RIC8B: variants seen among roughly 807,000 people sequenced by gnomAD.
RIC8B encodes chaperone Ric-8B.
RIC8B carries 16 observed loss-of-function variants against 57.5 expected under a neutral mutation model. That is an observed-to-expected ratio of 0.28 (90% CI 0.19 to 0.42). RIC8B has a LOEUF of 0.42. Ranked by LOEUF, RIC8B falls within the 10% of genes least tolerant of loss-of-function variation. The pLI is 1.00. For synonymous variants in RIC8B, 216 were observed against 250.8 expected (o/e 0.86, Z 1.31); for missense variants, 481 against 677.0 (o/e 0.71, Z 3.21).
rs1951308078 is a variant in RIC8B, at chr12:106,889,195, A to G, written c.*3180A>G. 1 of 152,106 alleles carries G rather than the reference A, an allele frequency of 6.6e-6. No homozygotes were observed. Among genetic ancestry groups the G allele is most frequent in the South Asian group, 2.1e-4 (1 of 4,826 alleles). 9.4% of individuals were successfully genotyped at this position (152,106 alleles called of 1,614,324 possible). ...TGTATTTCCTTCCTGTATTTTTTCTATGCATATATAATTTATTTTACTACA... is the reference window on the plus strand; with the variant it reads ...TGTATTTCCTTCCTGTATTTTTTCTGTGCATATATAATTTATTTTACTACA... On this transcript the variant is annotated 3_prime_UTR_variant, in exon 10 of 10. Transcript: ENST00000392837.
chr12:106,870,648 G>A lies in RIC8B; in HGVS notation c.1452-175G>A, dbSNP rs546760235. ...ATAGCCCATTTCCCAAAGCAAATTA[G>A]TGGAAAAGTCCAGTTTTAAAAATTC... On this transcript the variant is annotated intron_variant, in intron 8 of 9. Transcript: ENST00000392837. Among the ~76,000 whole-genome samples, 8 of 151,040 alleles carry A rather than the reference G, an allele frequency of 5.3e-5. No homozygotes were observed. The East Asian group carries it at 9.7e-4, about 18-fold the overall frequency.
At chr12:106,870,248 T>A (rs1950344226) in intron 8 of RIC8B, among the ~76,000 whole-genome samples, 1 of 152,182 alleles carries the variant, frequency 6.6e-6, no homozygotes, top group Admixed American at 6.5e-5. Context: ...TCCCTTTTTT[T>A]GTCTAGGCCA....
At chr12:106,847,093 T>C (rs1379133347) in intron 6 of RIC8B, among the ~76,000 whole-genome samples, 2 of 152,168 alleles carry the variant, frequency 1.3e-5, no homozygotes, top group Non-Finnish European at 2.9e-5. Context: ...TATTCTGTGT[T>C]TGGGAGGTAG....
At position 106,860,172 on chromosome 12, in the gene RIC8B, T is replaced by G. The variant is rs1949870527; in HGVS notation, c.1307-96T>G. 2.8e-6 allele frequency: 3 copies of G among 1,062,834 alleles called. No individual in the cohort carries two copies. In the East Asian group the frequency reaches 8.1e-5, roughly 29 times the overall value. 65.8% of individuals were successfully genotyped at this position (1,062,834 alleles called of 1,614,324 possible). On this transcript the variant is annotated intron_variant, in intron 7 of 9. Transcript: ENST00000392837. The stretch of plus-strand genomic sequence containing the variant: ...CTCTCAGTTTAAAGGTTTACTGCCA[T>G]AGTGTGTGTCTTCAATCTTCTTGTG...
In RIC8B at chr12:106,879,256, A is replaced by G. The variant is rs896037335; in HGVS notation, c.1572-6648A>G. 4.1e-6 allele frequency: 4 copies of G among 985,504 alleles called. No homozygotes were observed. In the African/African-American group the frequency reaches 5.2e-5, roughly 13 times the overall value. 61.0% of individuals were successfully genotyped at this position (985,504 alleles called of 1,614,324 possible). On this transcript the variant is annotated intron_variant, in intron 9 of 9. Coordinates refer to ENST00000392837, the MANE Select transcript of RIC8B (RefSeq NM_001330145.2). The surrounding 1 kb of genome is among the most constrained non-coding windows in gnomAD (Gnocchi z 4.9). ...TGTTTTGTTTGTATTGCACAAAAAC[A>G]TGTGCTGTGGGCAAGAGTATTCTCT...
Position 106,783,954 on chromosome 12 carries a change from A to G in RIC8B, c.85-43A>G, listed in dbSNP as rs2043882326. 13 of 1,587,140 alleles carry G rather than the reference A, an allele frequency of 8.2e-6. No individual in the cohort carries two copies. The East Asian group carries it at 2.9e-4, about 36-fold the overall frequency. ...TTAAACGTAGCCAAAATTAAAAAAT[A>G]CATGTATTTAAAATGACATTGTTTC... is the stretch of plus-strand genomic sequence containing the variant. On this transcript the variant is annotated intron_variant, in intron 1 of 9. Coordinates refer to ENST00000392837, the MANE Select transcript of RIC8B (RefSeq NM_001330145.2).
intron 2 of RIC8B, among the ~76,000 whole-genome samples, chr12:106,804,300 C>T (rs1050543831): frequency 3.3e-5 from 5 of 151,768 alleles, no homozygotes; most frequent in African/African-American, 4.8e-5. Context: ...CTGCAGTCTC[C>T]GCCTCCTGGG....
intron 2 of RIC8B, among the ~76,000 whole-genome samples, chr12:106,812,648 C>T (rs1469796538): frequency 6.6e-6 from 1 of 151,342 alleles, no homozygotes. Flanking sequence ...GATCTGACTC[C>T]ACCCCCAGGA....
intron 2 of RIC8B, 117 bp downstream of exon 2, chr12:106,784,161 C>T: frequency 9.8e-7 from 1 of 1,024,672 alleles, no homozygotes; most frequent in Middle Eastern, 2.1e-4. Flanking sequence ...TGTTTCCCTT[C>T]ATTTTGTTTT....
chr12:106,846,940 CTG>C (rs1949219079), intron 6 of RIC8B, among the ~76,000 whole-genome samples: 1 of 152,122 alleles, frequency 6.6e-6, no homozygotes, highest in Non-Finnish European at 1.5e-5. Context: ...GCACTGTAGA[CTG>C]TTATGATCAA....
At chr12:106,785,120 A>G (rs1207076795) in intron 2 of RIC8B, among the ~76,000 whole-genome samples, 2 of 152,192 alleles carry the variant, frequency 1.3e-5, no homozygotes, top group East Asian at 3.8e-4. Context: ...GCTTCTTAAC[A>G]TGACATGCTG....
In RIC8B at chr12:106,888,948, TGAG is replaced by T. The variant is rs1386532985; in HGVS notation, c.*2936_*2938del. On this transcript the variant is annotated 3_prime_UTR_variant, in exon 10 of 10. Transcript: ENST00000392837. ...GGTGTTATTATCCCTTCTTTATAAA[TGAG>T]GACACAGAATGAGGCAGTACAAGTG... is the stretch of plus-strand genomic sequence containing the variant. 1 of 152,106 alleles carries T rather than the reference TGAG, an allele frequency of 6.6e-6. No homozygotes were observed. 9.4% of individuals were successfully genotyped at this position (152,106 alleles called of 1,614,324 possible). A position where few individuals can be genotyped will look rare whatever the true frequency, so the allele number is the denominator to read the frequency against.
chr12:106,857,311 G>T (rs1042702269), intron 7 of RIC8B, among the ~76,000 whole-genome samples: 5 of 152,182 alleles, frequency 3.3e-5, no homozygotes, highest in African/African-American at 1.2e-4. Context: ...TTTTCACAGA[G>T]AAGGGGGAAT....
chr12:106,825,759 G>C lies in RIC8B; in HGVS notation c.775G>C (p.Val259Leu). The change falls in exon 4 of 10, where the codon GTC (valine) becomes CTC (leucine). Residue 259 changes from valine (V) to leucine (L), a missense_variant. Around this residue, in one of 3 missense-constraint regions of RIC8B, gnomAD observed 421 missense variants for 560.9 expected, o/e 0.75. Transcript: ENST00000392837. ...DSHQFRVMAA[V>L]LRHCLLIVGP... ...TCATCAGTTCCGTGTAATGGCAGCT[G>C]TCCTTCGTCATTGTTTACTAATCGT... The C allele has an allele frequency of 6.2e-7, 1 of 1,613,838 alleles. No individual in the cohort carries two copies. Among genetic ancestry groups the C allele is most frequent in the South Asian group, 1.1e-5 (1 of 91,084 alleles).
chr12:106,836,693 CCTA>C (rs1265520475), intron 4 of RIC8B, among the ~76,000 whole-genome samples: 1 of 152,180 alleles, frequency 6.6e-6, no homozygotes, highest in Non-Finnish European at 1.5e-5. Flanking sequence ...CCTTTGATGG[CCTA>C]CTGACTGTCC....
chr12:106,866,221 A>C (rs979463956), intron 8 of RIC8B, among the ~76,000 whole-genome samples: 3 of 152,160 alleles, frequency 2.0e-5, no homozygotes, highest in African/African-American at 7.2e-5. Context: ...TGTCCCCAGA[A>C]TAGTGCCCAG....
At chr12:106,852,908 T>A (rs552835416) in intron 7 of RIC8B, among the ~76,000 whole-genome samples, 4 of 152,382 alleles carry the variant, frequency 2.6e-5, no homozygotes, top group African/African-American at 9.6e-5. Context: ...CTGAATTGAA[T>A]TGATTCGAGA....
chr12:106,813,921 G>C (rs865788334), intron 2 of RIC8B, among the ~76,000 whole-genome samples: 24 of 152,006 alleles, frequency 1.6e-4, no homozygotes, highest in African/African-American at 5.3e-4. Flanking sequence ...ATTTGACAAT[G>C]GTATAAAAAA....
intron 6 of RIC8B, 37 bp downstream of exon 6, chr12:106,843,984 CTTT>C (rs763089433): frequency 1.5e-6 from 2 of 1,333,140 alleles, no homozygotes; most frequent in African/African-American, 1.4e-5. Context: ...CAAAGTTAGT[CTTT>C]TTATGTGCAT....
Sources: allele counts gnomAD v4.1 joint callset (sites outside exome capture counted in the v4.1 genomes callset), GRCh38; gene constraint gnomAD v4.1.1; regional missense constraint gnomAD v4.1.1; non-coding constraint Gnocchi (gnomAD v3.1); transcripts MANE v1.5; gene names NCBI Gene and HGNC (gene_info 2026-07-23, HGNC 2026-07-21).